EXT1: variants seen among roughly 807,000 people sequenced by gnomAD.
The protein encoded by EXT1 is exostosin-1.
In EXT1, 20 loss-of-function variants were observed where a neutral mutation model predicts 82.5. The observed-to-expected ratio is 0.24, with a 90% CI of 0.17 to 0.35. The LOEUF is 0.35. EXT1 is among the 10% of genes least tolerant of loss of function. The probability of loss-of-function intolerance (pLI) is 1.00; values close to 1 mark genes in which losing one functional copy is unlikely to be tolerated. For missense variants in EXT1, 757 were observed against 936.5 expected, an observed-to-expected ratio of 0.81 and a Z score of 2.50; for synonymous variants, 348 against 350.8, an observed-to-expected ratio of 0.99 and a Z score of 0.09.
In EXT1 at chr8:117,997,066, T is replaced by C. The variant is rs6999600; in HGVS notation, c.962+113019A>G. Among the ~76,000 whole-genome samples, 1,199 of 152,182 alleles carry C rather than the reference T, an allele frequency of 7.9e-3. 16 individuals carry two copies. The highest frequency in any genetic ancestry group is 0.028 in the African/African-American group (1,145 of 41,526). On this transcript the variant is annotated intron_variant, in intron 1 of 10. Transcript: ENST00000378204. ...CCCACAATACCTTTAGCAGTAGCAG[T>C]CGTTAAACAGGGAATACCATTTGAG...
intron 1 of EXT1, among the ~76,000 whole-genome samples, chr8:117,880,177 T>A (rs1813036330): frequency 6.6e-6 from 1 of 152,188 alleles, no homozygotes; most frequent in African/African-American, 2.4e-5. Flanking sequence ...CAAAGAGCAT[T>A]TTAAGTTACA....
At chr8:118,046,574 C>T (rs910556719) in intron 1 of EXT1, among the ~76,000 whole-genome samples, 2 of 152,158 alleles carry the variant, frequency 1.3e-5, no homozygotes, top group Non-Finnish European at 2.9e-5. Flanking sequence ...CACTTCACAC[C>T]ACCTCACTCT....
chr8:117,916,891 A>G (rs1462073761), intron 1 of EXT1, among the ~76,000 whole-genome samples: 2 of 152,176 alleles, frequency 1.3e-5, no homozygotes, highest in Non-Finnish European at 2.9e-5. Flanking sequence ...TGGGGGATAG[A>G]GTGAGACTCT....
At chr8:117,989,359 G>GC (rs898621590) in intron 1 of EXT1, among the ~76,000 whole-genome samples, 3 of 151,678 alleles carry the variant, frequency 2.0e-5, no homozygotes, top group African/African-American at 7.3e-5. Context: ...CACTGCCCCT[G>GC]CCCCCCACTA....
chr8:118,005,902 C>T (rs902026947), intron 1 of EXT1, among the ~76,000 whole-genome samples: 4 of 152,186 alleles, frequency 2.6e-5, no homozygotes, highest in Non-Finnish European at 4.4e-5. Flanking sequence ...AAATATACTA[C>T]GGCTTACAAG....
intron 1 of EXT1, among the ~76,000 whole-genome samples, chr8:117,935,333 T>C (rs1202087976): frequency 6.6e-6 from 1 of 151,340 alleles, no homozygotes; most frequent in Non-Finnish European, 1.5e-5. Flanking sequence ...TTTTTTTTTT[T>C]TTTTTTTGAG....
At chr8:117,951,670 C>T (rs1814494367) in intron 1 of EXT1, among the ~76,000 whole-genome samples, 1 of 152,264 alleles carries the variant, frequency 6.6e-6, no homozygotes, top group South Asian at 2.1e-4. Flanking sequence ...AGAAATTATC[C>T]TCTTTATGTA....
intron 1 of EXT1, among the ~76,000 whole-genome samples, chr8:117,972,751 A>T (rs1586317909): frequency 6.6e-6 from 1 of 152,210 alleles, no homozygotes; most frequent in Non-Finnish European, 1.5e-5. Context: ...AAAGGGAAGC[A>T]AACAGGTCCT....
chr8:118,083,937 G>A (rs1817375842), intron 1 of EXT1, among the ~76,000 whole-genome samples: 1 of 152,136 alleles, frequency 6.6e-6, no homozygotes, highest in Admixed American at 6.5e-5. Context: ...GCTGAGGCAG[G>A]AGAATTGCTT....
chr8:118,088,269 A>G (rs1011691407), intron 1 of EXT1, among the ~76,000 whole-genome samples: 2 of 152,224 alleles, frequency 1.3e-5, no homozygotes, highest in Non-Finnish European at 2.9e-5. Context: ...ATGTATTTTA[A>G]GGGCACCTGT....
At chr8:117,882,755 T>A (rs1813082348) in intron 1 of EXT1, among the ~76,000 whole-genome samples, 1 of 151,946 alleles carries the variant, frequency 6.6e-6, no homozygotes, top group Admixed American at 6.6e-5. Flanking sequence ...GGCAGGTGGA[T>A]CACTTGAGGA....
At chr8:117,972,618 A>G (rs1814965688) in intron 1 of EXT1, among the ~76,000 whole-genome samples, 1 of 152,198 alleles carries the variant, frequency 6.6e-6, no homozygotes, top group African/African-American at 2.4e-5. Context: ...GATAGTTTTG[A>G]TACGTGTATT....
chr8:118,110,237 C>T lies in EXT1; in HGVS notation c.810G>A (p.Arg270=), dbSNP rs1244929754. 6.2e-7 allele frequency: 1 copy of T among 1,614,188 alleles called. No individual in the cohort carries two copies. The highest frequency in any genetic ancestry group is 8.5e-7 in the Non-Finnish European group (1 of 1,180,040). ...RKYMLVFKGK[R]YLTGIGSDTR... Reference sequence around the variant, plus strand: ...TGTCTGATCCTATCCCTGTCAGGTACCTCTTCCCCTTGAATACCAGCATGT... The same window carrying T: ...TGTCTGATCCTATCCCTGTCAGGTATCTCTTCCCCTTGAATACCAGCATGT... Residue 270 remains arginine (R), a synonymous_variant, in exon 1 of 11, where the codon AGG becomes AGA. Transcript: ENST00000378204.
chr8:118,087,856 T>G (rs1817451519), intron 1 of EXT1, among the ~76,000 whole-genome samples: 1 of 151,542 alleles, frequency 6.6e-6, no homozygotes, highest in Non-Finnish European at 1.5e-5. Flanking sequence ...TACAGATAAT[T>G]ATGTTTTATT....
chr8:117,851,378 CAAAA>C, intron 1 of EXT1, among the ~76,000 whole-genome samples: 1 of 141,098 alleles, frequency 7.1e-6, no homozygotes, highest in African/African-American at 2.6e-5. Flanking sequence ...TTTAAAAAGA[CAAAA>C]AAAAAAAAAG....
At chr8:117,957,828 C>T (rs1279100339) in intron 1 of EXT1, among the ~76,000 whole-genome samples, 3 of 152,162 alleles carry the variant, frequency 2.0e-5, no homozygotes, top group African/African-American at 7.2e-5. Flanking sequence ...GATAAAAATG[C>T]TAATTCCAGC....
At chr8:118,006,739 GA>G (rs1815783781) in intron 1 of EXT1, among the ~76,000 whole-genome samples, 1 of 152,180 alleles carries the variant, frequency 6.6e-6, no homozygotes, top group African/African-American at 2.4e-5. Flanking sequence ...GCTTTAGGAA[GA>G]AAAGAGACTA....
intron 1 of EXT1, among the ~76,000 whole-genome samples, chr8:117,862,652 T>C (rs575679852): frequency 6.9e-6 from 1 of 145,712 alleles, no homozygotes; most frequent in South Asian, 2.2e-4. Context: ...GAATGGGATG[T>C]GGTCCGTGGA....
intron 1 of EXT1, among the ~76,000 whole-genome samples, chr8:118,049,022 C>T (rs1298844398): frequency 6.6e-6 from 1 of 152,134 alleles, no homozygotes; most frequent in East Asian, 1.9e-4. Flanking sequence ...CAGAAGAAAT[C>T]CCAAATTGTA....
Sources: gnomAD v4.1 joint callset for allele counts (sites outside exome capture counted in the v4.1 genomes callset) on GRCh38, gnomAD v4.1.1 for gene constraint, MANE v1.5 for transcripts, NCBI Gene and HGNC (gene_info 2026-07-23, HGNC 2026-07-21) for gene names.